Variants in CALN1 observed in about 807,000 individuals in gnomAD.
CALN1 encodes the protein calneuron 1.
Under a neutral mutation model 30.6 loss-of-function variants are expected in CALN1, and 17 were observed. That is an observed-to-expected ratio of 0.56 (90% confidence interval 0.38 to 0.83). CALN1 has a LOEUF of 0.83. CALN1 is among the 40% of genes least tolerant of loss of function. The pLI is 0.00. For synonymous variants in CALN1, 156 were observed against 131.4 expected (o/e 1.19, Z -1.28); for missense variants, 291 against 354.9 (o/e 0.82, Z 1.45).
intron 2 of CALN1, among the ~76,000 whole-genome samples, chr7:72,384,663 G>T (rs904195525): frequency 3.3e-5 from 5 of 151,756 alleles, no homozygotes; most frequent in African/African-American, 1.2e-4. Flanking sequence ...AAAAGTAAAA[G>T]CAAAATGGAT....
At chr7:72,146,346 C>A (rs1786722216) in intron 3 of CALN1, among the ~76,000 whole-genome samples, 1 of 152,162 alleles carries the variant, frequency 6.6e-6, no homozygotes, top group South Asian at 2.1e-4. Context: ...AGAGCCAAAT[C>A]ATGAGTGAAC....
intron 3 of CALN1, among the ~76,000 whole-genome samples, chr7:72,137,648 G>C (rs1809604740): frequency 6.6e-6 from 1 of 152,228 alleles, no homozygotes. Flanking sequence ...TGATTTAGCT[G>C]TAAAAGAAAT....
intron 2 of CALN1, among the ~76,000 whole-genome samples, chr7:72,348,182 A>AC (rs1459498487): frequency 3.3e-5 from 5 of 152,224 alleles, no homozygotes; most frequent in African/African-American, 1.2e-4. Context: ...ATAGTAAGTT[A>AC]GTTTCCTTCC....
At chr7:72,420,804 A>G (rs1807582972) in intron 1 of CALN1, among the ~76,000 whole-genome samples, 1 of 151,868 alleles carries the variant, frequency 6.6e-6, no homozygotes, top group African/African-American at 2.4e-5. Flanking sequence ...TATTTTTAGT[A>G]GAGACAGGGT....
intron 4 of CALN1, among the ~76,000 whole-genome samples, chr7:72,079,939 T>C (rs112459397): frequency 2.6e-3 from 401 of 151,904 alleles, no homozygotes; most frequent in Non-Finnish European, 4.2e-3. Context: ...CCCAGCTAAT[T>C]TTTGTATTTT....
intron 5 of CALN1, among the ~76,000 whole-genome samples, chr7:71,841,712 C>T (rs1276356112): frequency 6.6e-6 from 1 of 152,126 alleles, no homozygotes; most frequent in African/African-American, 2.4e-5. Context: ...CACATGGATG[C>T]AGCTGGAGGT....
chr7:71,836,487 T>C (rs1246205927), intron 5 of CALN1, among the ~76,000 whole-genome samples: 1 of 152,172 alleles, frequency 6.6e-6, no homozygotes, highest in Non-Finnish European at 1.5e-5. Flanking sequence ...TTCACCTTCA[T>C]AGAGAAACAG....
chr7:72,337,117 A>G, intron 2 of CALN1: 1 of 985,660 alleles, frequency 1.0e-6, no homozygotes, highest in African/African-American at 1.7e-5. Context: ...TGCGCCCCGG[A>G]GCCCAGTGGC....
At chr7:72,308,430 T>A (rs1385656320) in intron 2 of CALN1, among the ~76,000 whole-genome samples, 1 of 130,506 alleles carries the variant, frequency 7.7e-6, no homozygotes, top group African/African-American at 3.1e-5. Context: ...AAAGAAGAAA[T>A]CCACAAAGTA....
the CALN1 span, among the ~76,000 whole-genome samples, chr7:72,463,396 GC>G: frequency 6.6e-6 from 1 of 152,130 alleles, no homozygotes; most frequent in Admixed American, 6.6e-5. Context: ...GCCCGCCTCG[GC>G]CTCCCAAAGT....
At chr7:71,923,943 A>T (rs1162309141) in intron 5 of CALN1, among the ~76,000 whole-genome samples, 1 of 152,140 alleles carries the variant, frequency 6.6e-6, no homozygotes, top group African/African-American at 2.4e-5. Context: ...TTGTAATTCC[A>T]GCACTTTGGG....
the CALN1 span, among the ~76,000 whole-genome samples, chr7:72,503,339 G>C: frequency 8.4e-3 from 1,277 of 151,382 alleles, 15 homozygotes; most frequent in African/African-American, 0.028. Context: ...TGTAGATTAA[G>C]CCCTTCAGAG....
At chr7:72,076,271 C>A (rs1331776732) in intron 4 of CALN1, among the ~76,000 whole-genome samples, 5 of 151,510 alleles carry the variant, frequency 3.3e-5, no homozygotes, top group African/African-American at 1.2e-4. Flanking sequence ...ACATCCTGCA[C>A]ATGTACCCCG....
At chr7:72,101,978 G>T (rs1806700058) in intron 4 of CALN1, among the ~76,000 whole-genome samples, 1 of 152,132 alleles carries the variant, frequency 6.6e-6, no homozygotes, top group Non-Finnish European at 1.5e-5. Context: ...AAAACCTAGG[G>T]TTTTAGACTA....
At chr7:72,477,822 T>G in the CALN1 span, among the ~76,000 whole-genome samples, 1 of 152,156 alleles carries the variant, frequency 6.6e-6, no homozygotes, top group Non-Finnish European at 1.5e-5. Context: ...AGACTCTCCT[T>G]CTCTTTTCAT....
chr7:71,992,297 G>A (rs1030464057), intron 5 of CALN1, among the ~76,000 whole-genome samples: 2 of 152,188 alleles, frequency 1.3e-5, no homozygotes, highest in African/African-American at 4.8e-5. Context: ...ATAAGAAAAT[G>A]TTATAATTCT....
intron 2 of CALN1, chr7:72,337,122 A>G: frequency 1.0e-6 from 1 of 985,648 alleles, no homozygotes; most frequent in Non-Finnish European, 1.2e-6. Flanking sequence ...CCCGGAGCCC[A>G]GTGGCCGAGG....
intron 5 of CALN1, among the ~76,000 whole-genome samples, chr7:71,839,308 C>T (rs1331625552): frequency 6.6e-6 from 1 of 152,126 alleles, no homozygotes; most frequent in Non-Finnish European, 1.5e-5. Flanking sequence ...GAGGCAGGCA[C>T]ATCACTTGAT....
At chr7:72,156,284 T>C (rs948906244) in intron 3 of CALN1, among the ~76,000 whole-genome samples, 5 of 152,110 alleles carry the variant, frequency 3.3e-5, no homozygotes, top group African/African-American at 9.7e-5. Context: ...AACCAAGCAA[T>C]AGAAGGATTA....
Sources: allele counts gnomAD v4.1 joint callset (sites outside exome capture counted in the v4.1 genomes callset), GRCh38; gene constraint gnomAD v4.1.1; transcripts MANE v1.5; gene names NCBI Gene and HGNC (gene_info 2026-07-23, HGNC 2026-07-21).